Variants in RALGAPA1 observed in about 807,000 individuals in gnomAD.
The protein encoded by RALGAPA1 is Ral GTPase activating protein catalytic subunit alpha 1.
In RALGAPA1, 52 loss-of-function variants were observed where a neutral mutation model predicts 269.6. That is an observed-to-expected ratio of 0.19 (90% CI 0.15 to 0.24). RALGAPA1 has a LOEUF of 0.24. Among genes scored for constraint, RALGAPA1 ranks in the 10% least tolerant of loss-of-function variants. The pLI, the probability that RALGAPA1 is intolerant of heterozygous loss-of-function variation, is 1.00. For synonymous variants in RALGAPA1, 817 were observed against 1,008.3 expected, an observed-to-expected ratio of 0.81 and a Z score of 3.60; for missense variants, 1,917 against 3,013.9, an observed-to-expected ratio of 0.64 and a Z score of 8.52.
intron 16 of RALGAPA1, among the ~76,000 whole-genome samples, chr14:35,710,955 T>A (rs527928783): frequency 6.0e-4 from 92 of 152,364 alleles, no homozygotes; most frequent in Non-Finnish European, 1.1e-3. Flanking sequence ...CATTCTACGA[T>A]GTTCGCACAC....
intron 37 of RALGAPA1, among the ~76,000 whole-genome samples, chr14:35,575,917 C>T (rs929797243): frequency 6.6e-6 from 1 of 152,142 alleles, no homozygotes; most frequent in East Asian, 1.9e-4. Context: ...TAAAGAGCTA[C>T]AATCATTAGA....
intron 39 of RALGAPA1, among the ~76,000 whole-genome samples, chr14:35,563,020 CAAAAAAAAAAAAAAA>C (rs71445944): frequency 2.7e-5 from 1 of 37,234 alleles, no homozygotes; most frequent in African/African-American, 9.0e-5. Context: ...GAGTCCGTCT[CAAAAAAAAAAAAAAA>C]AAAAAAAAAA....
intron 39 of RALGAPA1, among the ~76,000 whole-genome samples, chr14:35,555,331 C>T (rs2055499320): frequency 6.6e-6 from 1 of 151,936 alleles, no homozygotes; most frequent in Admixed American, 6.6e-5. Context: ...ATAAATTCTA[C>T]AATGGCATGA....
At chr14:35,757,011 T>G (rs1052832817) in intron 6 of RALGAPA1, 103 bp from the exon 7 acceptor site, 4 of 1,029,926 alleles carry the variant, frequency 3.9e-6, no homozygotes, top group African/African-American at 1.7e-5. Flanking sequence ...GCAATGAAAA[T>G]TGCTTGAAAA....
chr14:35,578,674 T>C (rs1040583720), intron 37 of RALGAPA1, among the ~76,000 whole-genome samples: 2 of 152,232 alleles, frequency 1.3e-5, no homozygotes, highest in African/African-American at 4.8e-5. Context: ...ATACTTATCT[T>C]GCATTTTTTT....
chr14:35,773,155 C>T (rs1423637019), intron 3 of RALGAPA1, among the ~76,000 whole-genome samples: 1 of 151,944 alleles, frequency 6.6e-6, no homozygotes, highest in Admixed American at 6.6e-5. Context: ...TAGATTTAGC[C>T]CCTTATATTT....
In RALGAPA1 at chr14:35,762,037, A is replaced by G. The variant is rs1398920528; in HGVS notation, c.369+673T>C. Among the ~76,000 whole-genome samples the G allele has an allele frequency of 5.9e-5, 9 of 152,308 alleles. No homozygotes were observed. The East Asian group carries it at 9.6e-4, about 16-fold the overall frequency. The stretch of plus-strand genomic sequence containing the variant: ...AAGAAACAAAAATGTTTATATATAT[A>G]TGTGTATCTCCCCTACTTCCCTCTA... On this transcript the variant is annotated intron_variant, in intron 5 of 41. Coordinates refer to ENST00000680220, the MANE Select transcript of RALGAPA1 (RefSeq NM_001346249.2).
intron 28 of RALGAPA1, among the ~76,000 whole-genome samples, chr14:35,656,602 A>G (rs2063191541): frequency 6.6e-6 from 1 of 152,198 alleles, no homozygotes; most frequent in South Asian, 2.1e-4. Context: ...GTATCAAAAC[A>G]GTCACCTTCT....
chr14:35,690,220 C>T (rs2066361810), intron 17 of RALGAPA1, among the ~76,000 whole-genome samples: 1 of 152,000 alleles, frequency 6.6e-6, no homozygotes, highest in Non-Finnish European at 1.5e-5. Flanking sequence ...ACTACCAAAA[C>T]ACATTTTAAA....
At chr14:35,625,898 A>C (rs900394488) in intron 34 of RALGAPA1, among the ~76,000 whole-genome samples, 1 of 152,154 alleles carries the variant, frequency 6.6e-6, no homozygotes, top group African/African-American at 2.4e-5. Context: ...ATTTTACCAA[A>C]TCCCTTCCAT....
At chr14:35,672,357 T>C (rs1410328279) in intron 25 of RALGAPA1, among the ~76,000 whole-genome samples, 2 of 152,150 alleles carry the variant, frequency 1.3e-5, no homozygotes, top group Non-Finnish European at 2.9e-5. Flanking sequence ...TCTAAGGTTA[T>C]ATTTATGACT....
At chr14:35,770,731 C>G (rs2074547412) in intron 4 of RALGAPA1, among the ~76,000 whole-genome samples, 1 of 152,114 alleles carries the variant, frequency 6.6e-6, no homozygotes, top group African/African-American at 2.4e-5. Context: ...ATAAAGGAAG[C>G]AGTGGATCCA....
intron 39 of RALGAPA1, among the ~76,000 whole-genome samples, chr14:35,550,522 ATT>A (rs1170717478): frequency 6.6e-6 from 1 of 152,176 alleles, no homozygotes; most frequent in Non-Finnish European, 1.5e-5. Context: ...CAAAAAAATA[ATT>A]TGAGAGGAAG....
chr14:35,602,782 G>T (rs181371830), intron 36 of RALGAPA1, among the ~76,000 whole-genome samples: 6 of 152,156 alleles, frequency 3.9e-5, no homozygotes, highest in African/African-American at 1.4e-4. Flanking sequence ...TGTCTTTGTT[G>T]CTCATGATTT....
chr14:35,593,193 T>C lies in RALGAPA1; in HGVS notation c.7209+2441A>G, dbSNP rs550689130. Among the ~76,000 whole-genome samples the C allele has an allele frequency of 7.9e-5, 12 of 152,254 alleles. No individual in the cohort carries two copies. The South Asian group carries it at 1.2e-3, about 16-fold the overall frequency. ...AATCAACATACAAAAATTGCTAGCA[T>C]TTCTATATACAAATTATGACTTAGC... On this transcript the variant is annotated intron_variant, in intron 37 of 41. Coordinates refer to ENST00000680220, the MANE Select transcript of RALGAPA1 (RefSeq NM_001346249.2).
chr14:35,771,094 T>C, intron 3 of RALGAPA1, 95 bp from the exon 4 acceptor site: 1 of 513,846 alleles, frequency 1.9e-6, no homozygotes, highest in South Asian at 2.8e-5. Flanking sequence ...GCTCACTAAG[T>C]ATAACAAATA....
chr14:35,579,606 CAAA>C (rs11397749), intron 37 of RALGAPA1, among the ~76,000 whole-genome samples: 2 of 133,190 alleles, frequency 1.5e-5, no homozygotes, highest in Admixed American at 7.6e-5. Flanking sequence ...GACTCCGTCT[CAAA>C]AAAAAAAAAA....
rs957046678 is a variant in RALGAPA1, at chr14:35,677,866, T to C, written c.4624+84A>G. 9 of 1,270,794 alleles carry C rather than the reference T, an allele frequency of 7.1e-6. No homozygotes were observed. The African/African-American group carries it at 7.6e-5, about 11-fold the overall frequency. 78.7% of individuals were successfully genotyped at this position (1,270,794 alleles called of 1,614,324 possible). On this transcript the variant is annotated intron_variant, in intron 22 of 41. Coordinates refer to ENST00000680220, the MANE Select transcript of RALGAPA1 (RefSeq NM_001346249.2). The stretch of plus-strand genomic sequence containing the variant: ...AAATATTTACAATAATCATATATAA[T>C]CAAATGTAAGATGCCTTATTTATGA...
intron 39 of RALGAPA1, among the ~76,000 whole-genome samples, chr14:35,569,883 G>C (rs1366018829): frequency 3.9e-5 from 6 of 152,106 alleles, no homozygotes; most frequent in Non-Finnish European, 5.9e-5. Context: ...TATTTGCAAT[G>C]ACTATTTTGA....
Sources: gnomAD v4.1 joint callset for allele counts (sites outside exome capture counted in the v4.1 genomes callset) on GRCh38, gnomAD v4.1.1 for gene constraint, MANE v1.5 for transcripts, NCBI Gene and HGNC (gene_info 2026-07-23, HGNC 2026-07-21) for gene names.